GSG1L: variants seen among roughly 807,000 people sequenced by gnomAD.
GSG1L encodes the protein GSG1 like, also known as germ cell-specific gene 1-like protein.
GSG1L carries 24 observed loss-of-function variants against 42.1 expected under a neutral mutation model. The observed-to-expected ratio is 0.57, with a 90% CI of 0.41 to 0.80. The LOEUF (loss-of-function observed/expected upper bound fraction) is 0.80. GSG1L is among the 30% of genes least tolerant of loss of function. The pLI is 0.00. For synonymous variants in GSG1L, 215 were observed against 203.5 expected, an observed-to-expected ratio of 1.06 and a Z score of -0.48; for missense variants, 445 against 472.2, an observed-to-expected ratio of 0.94 and a Z score of 0.53.
chr16:27,818,219 C>A (rs2083117297), intron 5 of GSG1L, among the ~76,000 whole-genome samples: 1 of 152,236 alleles, frequency 6.6e-6, no homozygotes, highest in Admixed American at 6.5e-5. Flanking sequence ...CTGAAGCTCC[C>A]TCCAGCCGGC....
chr16:27,891,372 T>C (rs2084124018), intron 2 of GSG1L, among the ~76,000 whole-genome samples: 1 of 152,244 alleles, frequency 6.6e-6, no homozygotes, highest in Non-Finnish European at 1.5e-5. Context: ...CTAACACTTG[T>C]CAATTTTTTA....
intron 1 of GSG1L, among the ~76,000 whole-genome samples, chr16:28,002,923 G>A (rs868160108): frequency 1.4e-4 from 21 of 151,850 alleles, no homozygotes; most frequent in African/African-American, 3.6e-4. Flanking sequence ...GTGACAGAGC[G>A]AGACTCCGTC....
intron 1 of GSG1L, among the ~76,000 whole-genome samples, chr16:28,009,207 A>G (rs2141154006): frequency 6.6e-6 from 1 of 152,054 alleles, no homozygotes; most frequent in South Asian, 2.1e-4. Flanking sequence ...TCCCTCAATC[A>G]TTGTGCTCCA....
At chr16:27,992,495 CAAA>C (rs34225891) in intron 1 of GSG1L, among the ~76,000 whole-genome samples, 2 of 145,168 alleles carry the variant, frequency 1.4e-5, no homozygotes, top group Non-Finnish European at 3.0e-5. Context: ...AACTCCATCT[CAAA>C]AAAAAAAAAA....
intron 1 of GSG1L, among the ~76,000 whole-genome samples, chr16:28,010,145 A>C (rs59774169): frequency 0.05 from 7,603 of 152,242 alleles, 625 homozygotes; most frequent in African/African-American, 0.17. Context: ...AGGGGCCAGG[A>C]GGATGCCAGA....
Position 28,059,050 on chromosome 16 carries a change from G to T in GSG1L, c.349+4026C>A, listed in dbSNP as rs1268121832. Among the ~76,000 whole-genome samples the T allele has an allele frequency of 1.3e-5, 2 of 152,180 alleles. No individual in the cohort carries two copies. The highest frequency in any genetic ancestry group is 4.8e-5 in the African/African-American group (2 of 41,438). ...TCCATGGGAGACACGGGTGGCTGTGGGTGGCTCAGCCCAGGGTGGCGGCAA... is the reference window on the plus strand; with the variant it reads ...TCCATGGGAGACACGGGTGGCTGTGTGTGGCTCAGCCCAGGGTGGCGGCAA... On this transcript the variant is annotated intron_variant, in intron 1 of 6. Transcript: ENST00000447459. The surrounding 1 kb of genome is among the most constrained non-coding windows in gnomAD (Gnocchi z 4.4).
intron 1 of GSG1L, among the ~76,000 whole-genome samples, chr16:28,044,034 A>C (rs376454316): frequency 2.8e-5 from 4 of 141,104 alleles, no homozygotes; most frequent in Non-Finnish European, 4.5e-5. Context: ...AAAAACAAAC[A>C]AAAAAAAACT....
At position 28,059,458 on chromosome 16, in the gene GSG1L, C is replaced by T. The variant is rs962117902; in HGVS notation, c.349+3618G>A. Among the ~76,000 whole-genome samples the T allele has an allele frequency of 6.6e-6, 1 of 152,058 alleles. No individual in the cohort carries two copies. The highest frequency in any genetic ancestry group is 1.5e-5 in the Non-Finnish European group (1 of 68,026). Reference sequence around the variant, plus strand: ...TCTCACCTCCCTCCTGCCAGCCTGGCAAGTCCCCCAAGACCCCTCCACCTC... The same window carrying T: ...TCTCACCTCCCTCCTGCCAGCCTGGTAAGTCCCCCAAGACCCCTCCACCTC... On this transcript the variant is annotated intron_variant, in intron 1 of 6. Coordinates refer to ENST00000447459, the MANE Select transcript of GSG1L (RefSeq NM_001109763.2). The surrounding 1 kb of genome is among the most constrained non-coding windows in gnomAD (Gnocchi z 4.4).
chr16:28,007,197 G>C (rs2085650840), intron 1 of GSG1L, among the ~76,000 whole-genome samples: 1 of 152,154 alleles, frequency 6.6e-6, no homozygotes, highest in African/African-American at 2.4e-5. Context: ...GGGGAGATTA[G>C]CCAGGATTAT....
At chr16:27,801,047 C>T (rs777332528) in intron 6 of GSG1L, among the ~76,000 whole-genome samples, 48 of 152,002 alleles carry the variant, frequency 3.2e-4, no homozygotes, top group Non-Finnish European at 5.3e-4. Flanking sequence ...AAAGATGAGA[C>T]GAAGTCAGCC....
chr16:28,055,312 A>G (rs185015895), intron 1 of GSG1L, among the ~76,000 whole-genome samples: 115 of 151,090 alleles, frequency 7.6e-4, no homozygotes, highest in African/African-American at 2.5e-3. Flanking sequence ...ACACACCACC[A>G]CACTTATCTA....
intron 2 of GSG1L, among the ~76,000 whole-genome samples, chr16:27,947,223 C>T (rs1323718923): frequency 6.6e-6 from 1 of 152,068 alleles, no homozygotes; most frequent in Admixed American, 6.6e-5. Flanking sequence ...ACCTCCCTGG[C>T]TCAAGCCATC....
intron 2 of GSG1L, among the ~76,000 whole-genome samples, chr16:27,951,877 C>G (rs942362053): frequency 6.6e-6 from 1 of 152,188 alleles, no homozygotes; most frequent in African/African-American, 2.4e-5. Context: ...ATTATAGGAA[C>G]TGAAGTGAGA....
At chr16:27,980,610 C>T (rs1250390941) in intron 1 of GSG1L, among the ~76,000 whole-genome samples, 1 of 152,128 alleles carries the variant, frequency 6.6e-6, no homozygotes, top group Non-Finnish European at 1.5e-5. Context: ...TGGCTGGGCA[C>T]GGTGGCTCAG....
At chr16:27,820,456 G>T (rs1419515996) in intron 5 of GSG1L, among the ~76,000 whole-genome samples, 1 of 152,138 alleles carries the variant, frequency 6.6e-6, no homozygotes, top group African/African-American at 2.4e-5. Context: ...AGCCAGATTG[G>T]AGGGGGCTGG....
At chr16:27,943,905 T>C (rs1018937508) in intron 2 of GSG1L, among the ~76,000 whole-genome samples, 1 of 152,086 alleles carries the variant, frequency 6.6e-6, no homozygotes, top group African/African-American at 2.4e-5. Context: ...GGACAGACAG[T>C]AAATATTTTA....
intron 3 of GSG1L, among the ~76,000 whole-genome samples, chr16:27,877,039 G>C (rs2083896752): frequency 1.3e-5 from 2 of 152,218 alleles, no homozygotes; most frequent in Admixed American, 1.3e-4. Flanking sequence ...TTCCTTAGTG[G>C]ATCAGCCTCA....
chr16:28,018,227 G>A (rs1014060735), intron 1 of GSG1L, among the ~76,000 whole-genome samples: 1 of 152,084 alleles, frequency 6.6e-6, no homozygotes, highest in Non-Finnish European at 1.5e-5. Flanking sequence ...ACCTAACAGT[G>A]GCTTAAATAA....
rs1351853226 is a variant in GSG1L, at chr16:28,040,958, T to G, written c.349+22118A>C. Among the ~76,000 whole-genome samples, 1 of 152,264 alleles carries G rather than the reference T, an allele frequency of 6.6e-6. No individual in the cohort carries two copies. Among genetic ancestry groups the G allele is most frequent in the East Asian group, 1.9e-4 (1 of 5,204 alleles). On this transcript the variant is annotated intron_variant, in intron 1 of 6. Transcript: ENST00000447459. This position sits in a 1 kb window ranked among gnomAD's most constrained non-coding sequence, Gnocchi z 4.1. ...CTGTGCCAAGTGCTAGGGTGAGGAC[T>G]GCACCTCCGTGTCCTCTCAATCTCA...
Sources: allele counts gnomAD v4.1 joint callset (sites outside exome capture counted in the v4.1 genomes callset), GRCh38; gene constraint gnomAD v4.1.1; non-coding constraint Gnocchi (gnomAD v3.1); transcripts MANE v1.5; gene names NCBI Gene and HGNC (gene_info 2026-07-23, HGNC 2026-07-21).